The following CBR4 variants were observed in gnomAD, a reference collection of about 807,000 sequenced individuals.
CBR4 encodes the protein carbonyl reductase 4, also known as 3-oxoacyl-[acyl-carrier-protein] reductase.
In CBR4, 22 loss-of-function variants were observed where a neutral mutation model predicts 21.0. The ratio of observed to expected loss-of-function variants is 1.05; its 90% CI spans 0.75 to 1.50. The LOEUF (loss-of-function observed/expected upper bound fraction) is 1.50, where lower values mean the gene tolerates loss of function less well. CBR4 is among the 40% of genes most tolerant of loss of function. The pLI is 0.00. For missense variants in CBR4, 302 were observed against 286.3 expected, an observed-to-expected ratio of 1.05 and a Z score of -0.40; for synonymous variants, 100 against 104.4, an observed-to-expected ratio of 0.96 and a Z score of 0.26.
chr4:168,977,999 T>C (rs889427514), intron 2 of CBR4, among the ~76,000 whole-genome samples: 1 of 152,198 alleles, frequency 6.6e-6, no homozygotes, highest in Admixed American at 6.5e-5. Context: ...CTCCATACTA[T>C]AGCCAGAATC....
chr4:168,989,804 T>C lies in CBR4; in HGVS notation c.*346A>G, dbSNP rs1764821600. On this transcript the variant is annotated 3_prime_UTR_variant, in exon 5 of 5. Transcript: ENST00000306193. The stretch of plus-strand genomic sequence containing the variant: ...GGTAACCAAAGGTAAGTGATACACA[T>C]CCTTTAGAAAACACAATTTGTCTGG... The C allele has an allele frequency of 4.0e-6, 4 of 1,002,198 alleles. No individual in the cohort carries two copies. The highest frequency in any genetic ancestry group is 3.6e-6 in the Non-Finnish European group (3 of 841,320). 62.1% of individuals were successfully genotyped at this position (1,002,198 alleles called of 1,614,324 possible). A position where few individuals can be genotyped will look rare whatever the true frequency, so the allele number is the denominator to read the frequency against.
At position 169,010,056 on chromosome 4, in the gene CBR4, G is replaced by A. The variant is rs201965998; in HGVS notation, c.34C>T (p.Arg12Ter). The A allele has an allele frequency of 1.6e-5, 26 of 1,613,508 alleles. No individual in the cohort carries two copies. The highest frequency in any genetic ancestry group is 1.9e-5 in the Non-Finnish European group (23 of 1,179,878). The change falls in exon 1 of 5, where the codon CGA (arginine) becomes TGA (stop). Residue 12 changes from arginine to a stop codon, truncating the protein, a stop_gained. Transcript: ENST00000306193. LOFTEE classifies it high-confidence loss of function. The part of the protein sequence containing the change: ...DKVCAVFGGS[R>*]GIGRAVAQLM... ...TGGGCCACAGCTCTGCCAATGCCTC[G>A]GGAGCCTCCAAAAACAGCACACACT...
At chr4:168,915,889 T>C in intron 2 of CBR4, 1 of 1,611,532 alleles carries the variant, frequency 6.2e-7, no homozygotes, top group Non-Finnish European at 8.5e-7. Context: ...TCTTTCTTGT[T>C]TCAAGGCCTC....
In CBR4 at chr4:169,002,212, CAAAAAAAAAAA is replaced by C. The variant is rs60552620; in HGVS notation, c.401-18_401-8del. On this transcript the variant is annotated splice_region_variant and splice_polypyrimidine_tract_variant and intron_variant, in intron 3 of 4. Transcript: ENST00000306193. Reference sequence around the variant, plus strand: ...TTTAAGCCAACAATGCTTCCTAGGACAAAAAAAAAAAAAAAAAAAAAAAAAGCGTATTAAAT... The same window carrying C: ...TTTAAGCCAACAATGCTTCCTAGGACAAAAAAAAAAAAAAGCGTATTAAAT... 4.7e-4 allele frequency: 482 copies of C among 1,015,918 alleles called. No individual in the cohort carries two copies. Among genetic ancestry groups the C allele is most frequent in the Middle Eastern group, 8.1e-4 (2 of 2,466 alleles). 62.9% of individuals were successfully genotyped at this position (1,015,918 alleles called of 1,614,324 possible).
chr4:168,958,514 C>T (rs1763752598), intron 2 of CBR4, among the ~76,000 whole-genome samples: 1 of 152,142 alleles, frequency 6.6e-6, no homozygotes, highest in Non-Finnish European at 1.5e-5. Flanking sequence ...ACGAATAAAA[C>T]TGCTATGAAC....
At chr4:168,928,149 T>A in intron 2 of CBR4, 1 of 190,402 alleles carries the variant, frequency 5.3e-6, no homozygotes, top group South Asian at 1.9e-4. Context: ...ACCGCACTTA[T>A]ATGCATTGCT....
At chr4:168,994,113 C>T (rs1415286587) in intron 4 of CBR4, among the ~76,000 whole-genome samples, 3 of 152,204 alleles carry the variant, frequency 2.0e-5, no homozygotes, top group African/African-American at 7.2e-5. Context: ...AGACATTCAC[C>T]CACATATTTA....
intron 2 of CBR4, among the ~76,000 whole-genome samples, chr4:168,906,836 T>C (rs1582074259): frequency 6.6e-6 from 1 of 151,092 alleles, no homozygotes; most frequent in Non-Finnish European, 1.5e-5. Flanking sequence ...CAAAGCCCAA[T>C]ATATAATGCC....
chr4:168,933,175 C>T (rs1763014734), intron 2 of CBR4, among the ~76,000 whole-genome samples: 2 of 152,048 alleles, frequency 1.3e-5, no homozygotes, highest in African/African-American at 2.4e-5. Flanking sequence ...AATAAATAAC[C>T]TTGAATGTAA....
chr4:168,924,842 C>T lies in CBR4; in HGVS notation n.170-30077G>A, dbSNP rs920605654. On this transcript the variant is annotated intron_variant and non_coding_transcript_variant, in intron 2 of 3. Coordinates refer to the CBR4 transcript ENST00000509108. ...ATAAGTATGACCCTATTATCAGCTACTTGCACAATTCTGTTTCTAATGATC... is the reference window on the plus strand; with the variant it reads ...ATAAGTATGACCCTATTATCAGCTATTTGCACAATTCTGTTTCTAATGATC... The T allele has an allele frequency of 4.3e-6, 5 of 1,175,508 alleles. No individual in the cohort carries two copies. The Admixed American group carries it at 7.0e-5, about 16-fold the overall frequency. 72.8% of individuals were successfully genotyped at this position (1,175,508 alleles called of 1,614,324 possible).
At chr4:168,916,608 A>G (rs1760155110) in intron 2 of CBR4, among the ~76,000 whole-genome samples, 1 of 151,808 alleles carries the variant, frequency 6.6e-6, no homozygotes, top group East Asian at 1.9e-4. Context: ...TAAATCTACC[A>G]TGTCTTCATT....
intron 3 of CBR4, among the ~76,000 whole-genome samples, chr4:169,003,120 T>C (rs927942949): frequency 6.6e-6 from 1 of 152,216 alleles, no homozygotes; most frequent in African/African-American, 2.4e-5. Flanking sequence ...TTTCAAGTCT[T>C]ATTTAAGAAA....
rs771679229 is a variant in CBR4, at chr4:168,924,974, G to A, written n.170-30209C>T. The A allele has an allele frequency of 6.2e-6, 10 of 1,613,980 alleles. No homozygotes were observed. Among genetic ancestry groups the A allele is most frequent in the Admixed American group, 3.3e-5 (2 of 59,994 alleles). ...CACCAGGACAACCACGGCTACATCT[G>A]CCTGCTCATTCAGGGAGCCACAAAA... On this transcript the variant is annotated intron_variant and non_coding_transcript_variant, in intron 2 of 3. Transcript: ENST00000509108.
intron 2 of CBR4, among the ~76,000 whole-genome samples, chr4:168,951,033 T>C (rs1420758927): frequency 2.6e-5 from 4 of 152,146 alleles, no homozygotes; most frequent in African/African-American, 9.7e-5. Flanking sequence ...TTGTGAGTTC[T>C]TATCCATTCT....
chr4:168,903,695 G>A, intron 2 of CBR4: 1 of 1,379,118 alleles, frequency 7.3e-7, no homozygotes, highest in Non-Finnish European at 1.0e-6. Flanking sequence ...ACTATTTTCA[G>A]TTCTCCAAAT....
intron 2 of CBR4, among the ~76,000 whole-genome samples, chr4:168,978,686 G>A (rs1764448033): frequency 1.3e-5 from 2 of 152,202 alleles, no homozygotes; most frequent in Non-Finnish European, 1.5e-5. Flanking sequence ...CAAATGGAGG[G>A]CCAAGGGTCT....
intron 2 of CBR4, among the ~76,000 whole-genome samples, chr4:168,944,742 A>G (rs966349885): frequency 6.6e-6 from 1 of 152,238 alleles, no homozygotes; most frequent in African/African-American, 2.4e-5. Flanking sequence ...GAATTGGACA[A>G]GATGATGTTT....
chr4:168,998,886 T>G (rs778450671), intron 4 of CBR4, among the ~76,000 whole-genome samples: 18 of 152,180 alleles, frequency 1.2e-4, no homozygotes, highest in Non-Finnish European at 1.9e-4. Context: ...AAAGAAACTT[T>G]GTAGTTAACA....
intron 2 of CBR4, among the ~76,000 whole-genome samples, chr4:168,963,017 A>G (rs1325354608): frequency 1.3e-5 from 2 of 152,214 alleles, no homozygotes; most frequent in Admixed American, 6.5e-5. Context: ...CATTTTGAGC[A>G]TTAGGAACCT....
Sources: gnomAD v4.1 joint callset for allele counts (sites outside exome capture counted in the v4.1 genomes callset) on GRCh38, gnomAD v4.1.1 for gene constraint, MANE v1.5 for transcripts, NCBI Gene and HGNC (gene_info 2026-07-23, HGNC 2026-07-21) for gene names.